The following SSR3 variants were observed in gnomAD, a reference collection of about 807,000 sequenced individuals.
The protein encoded by SSR3 is translocon-associated protein subunit gamma.
In SSR3, 10 loss-of-function variants were observed where a neutral mutation model predicts 22.1. The ratio of observed to expected loss-of-function variants is 0.45; its 90% confidence interval spans 0.28 to 0.77. The LOEUF is 0.77. Ranked by LOEUF, SSR3 falls within the 30% of genes least tolerant of loss-of-function variation. The pLI, the probability that SSR3 is intolerant of heterozygous loss-of-function variation, is 0.13. For missense variants in SSR3, 181 were observed against 220.5 expected (o/e 0.82, Z 1.13); for synonymous variants, 104 against 82.5 (o/e 1.26, Z -1.42).
Position 156,553,693 on chromosome 3 carries a change from G to A in SSR3, c.222C>T (p.Ala74=), listed in dbSNP as rs1720043917. 6.2e-7 allele frequency: 1 copy of A among 1,612,248 alleles called. No homozygotes were observed. The highest frequency in any genetic ancestry group is 2.2e-5 in the East Asian group (1 of 44,834). Residue 74 remains alanine (A), a synonymous_variant, in exon 2 of 5, where the codon GCC becomes GCT. Coordinates refer to ENST00000265044, the MANE Select transcript of SSR3 (RefSeq NM_007107.5). The part of the protein sequence containing the change: ...VMTLVSTYLV[A]FAYKNVKFVL... Reference sequence around the variant, plus strand: ...CAAATTTCACATTCTTGTATGCAAAGGCTACCAAATATGTGCTTACTAGGG... The same window carrying A: ...CAAATTTCACATTCTTGTATGCAAAAGCTACCAAATATGTGCTTACTAGGG...
intron 3 of SSR3, among the ~76,000 whole-genome samples, chr3:156,545,961 G>A (rs191187073): frequency 6.6e-6 from 1 of 152,292 alleles, no homozygotes; most frequent in African/African-American, 2.4e-5. Flanking sequence ...AGTGAAGTCA[G>A]GTTGCTTACG....
intron 2 of SSR3, among the ~76,000 whole-genome samples, chr3:156,552,412 C>G (rs1009169354): frequency 2.0e-5 from 3 of 151,916 alleles, no homozygotes; most frequent in Admixed American, 2.0e-4. Context: ...AGGAAAATAC[C>G]TGCACCTCAT....
chr3:156,549,987 CTA>C (rs112043815), intron 2 of SSR3, among the ~76,000 whole-genome samples: 21,073 of 152,136 alleles, frequency 0.14, 1,495 homozygotes, highest in East Asian at 0.21. Flanking sequence ...TATATAAAAA[CTA>C]TCTTTTTTCA....
intron 2 of SSR3, chr3:156,551,264 G>A (rs62285086): frequency 6.6e-6 from 1 of 151,930 alleles, no homozygotes. Flanking sequence ...GAAGCCTAAA[G>A]TAGAAAGGAA....
Position 156,540,175 on chromosome 3 carries a change from A to C in SSR3, c.*3028T>G, listed in dbSNP as rs1018427169. The C allele has an allele frequency of 2.0e-5, 3 of 152,090 alleles. No individual in the cohort carries two copies. Among genetic ancestry groups the C allele is most frequent in the African/African-American group, 7.2e-5 (3 of 41,408 alleles). The allele number at this position is 152,090 out of a possible 1,614,324, so 9.4% of individuals were successfully genotyped here. On this transcript the variant is annotated 3_prime_UTR_variant, in exon 5 of 5. Coordinates refer to ENST00000265044, the MANE Select transcript of SSR3 (RefSeq NM_007107.5). ...GAAGCAAAGTTTAATCATACTTATTAAGCAAGACTTTTCACAAGAATTGAG... is the reference window on the plus strand; with the variant it reads ...GAAGCAAAGTTTAATCATACTTATTCAGCAAGACTTTTCACAAGAATTGAG...
intron 2 of SSR3, among the ~76,000 whole-genome samples, chr3:156,549,524 A>G (rs1719876459): frequency 6.6e-6 from 1 of 152,234 alleles, no homozygotes; most frequent in Admixed American, 6.5e-5. Flanking sequence ...TGTGATGGAC[A>G]GAAAGCCCCA....
chr3:156,546,286 C>T (rs1719758536), intron 3 of SSR3, among the ~76,000 whole-genome samples: 1 of 152,204 alleles, frequency 6.6e-6, no homozygotes, highest in South Asian at 2.1e-4. Context: ...GTGTAGAAGG[C>T]ACTTGCTTCT....
At chr3:156,552,642 CT>C (rs1720004807) in intron 2 of SSR3, among the ~76,000 whole-genome samples, 1 of 152,126 alleles carries the variant, frequency 6.6e-6, no homozygotes, top group African/African-American at 2.4e-5. Flanking sequence ...TAAGAAATTA[CT>C]TTCAAAGCAA....
intron 1 of SSR3, among the ~76,000 whole-genome samples, chr3:156,554,379 G>A (rs1283440652): frequency 6.6e-6 from 1 of 152,184 alleles, no homozygotes; most frequent in Non-Finnish European, 1.5e-5. Context: ...TCCCAACCAA[G>A]TGAGAATTCT....
In SSR3 at chr3:156,542,441, T is replaced by C. The variant is rs1719587747; in HGVS notation, c.*762A>G. The C allele has an allele frequency of 6.6e-6, 1 of 152,242 alleles. No homozygotes were observed. The highest frequency in any genetic ancestry group is 1.5e-5 in the Non-Finnish European group (1 of 68,040). 9.4% of individuals were successfully genotyped at this position (152,242 alleles called of 1,614,324 possible). ...AACATTCCTCCAGGGTGTGAGACCC[T>C]GGTCAAGGAAAACAGTGATTCCTGT... On this transcript the variant is annotated 3_prime_UTR_variant, in exon 5 of 5. Coordinates refer to ENST00000265044, the MANE Select transcript of SSR3 (RefSeq NM_007107.5).
intron 4 of SSR3, 73 bp from the exon 5 acceptor site, chr3:156,543,342 T>C: frequency 8.7e-7 from 1 of 1,155,368 alleles, no homozygotes; most frequent in Non-Finnish European, 1.3e-6. Context: ...AGAGCCCATC[T>C]CTTTGGAATG....
Position 156,540,418 on chromosome 3 carries a change from A to G in SSR3, c.*2785T>C, listed in dbSNP as rs1444323264. ...CAGGAGATCGAGACCATCCTGGCTA[A>G]CAGGGTGAAACCCCGTCTCTACTAA... On this transcript the variant is annotated 3_prime_UTR_variant, in exon 5 of 5. Transcript: ENST00000265044. 2.0e-5 allele frequency: 3 copies of G among 152,084 alleles called. No individual in the cohort carries two copies. The highest frequency in any genetic ancestry group is 7.2e-5 in the African/African-American group (3 of 41,410). 9.4% of individuals were successfully genotyped at this position (152,084 alleles called of 1,614,324 possible). A position where few individuals can be genotyped will look rare whatever the true frequency, so the allele number is the denominator to read the frequency against.
rs754742456 is a variant in SSR3 at position 156,539,670 on chromosome 3, T to C, written c.*3533A>G. Among the ~76,000 whole-genome samples the C allele has an allele frequency of 9.2e-5, 14 of 152,266 alleles. No individual in the cohort carries two copies. Among genetic ancestry groups the C allele is most frequent in the East Asian group, 3.9e-4 (2 of 5,188 alleles). ...CCTCCTAATCTATTAATTCCTCTGC[T>C]TGGGAGTCCCAAGGAAGTGAAAGAG... is the stretch of plus-strand genomic sequence containing the variant. On this transcript the variant is annotated 3_prime_UTR_variant, in exon 5 of 5. Coordinates refer to ENST00000265044, the MANE Select transcript of SSR3 (RefSeq NM_007107.5).
chr3:156,543,411 A>C, intron 4 of SSR3, 142 bp from the exon 5 acceptor site: 1 of 562,518 alleles, frequency 1.8e-6, no homozygotes, highest in South Asian at 3.4e-5. Context: ...CATTGTCTGC[A>C]AACACAATTT....
In SSR3 at chr3:156,543,327, A is replaced by C. The variant is rs541753913; in HGVS notation, c.492-58T>G. On this transcript the variant is annotated intron_variant, in intron 4 of 4. Coordinates refer to ENST00000265044, the MANE Select transcript of SSR3 (RefSeq NM_007107.5). ...TAACTCCAAATTGGTTTTTTGAGAA[A>C]ATAAAGAGCCCATCTCTTTGGAATG... 4 of 1,345,554 alleles carry C rather than the reference A, an allele frequency of 3.0e-6. No individual in the cohort carries two copies. In the Admixed American group the frequency reaches 7.0e-5, roughly 23 times the overall value. 83.4% of individuals were successfully genotyped at this position (1,345,554 alleles called of 1,614,324 possible).
chr3:156,543,389 G>A (rs1288085158), intron 4 of SSR3, 120 bp from the exon 5 acceptor site: 1 of 684,958 alleles, frequency 1.5e-6, no homozygotes, highest in Non-Finnish European at 2.5e-6. Context: ...TAATCATAAT[G>A]ATGTGCAGCC....
chr3:156,550,735 TG>T (rs1342840218), intron 2 of SSR3, among the ~76,000 whole-genome samples: 1 of 152,226 alleles, frequency 6.6e-6, no homozygotes, highest in East Asian at 1.9e-4. Context: ...TTTGCAAACA[TG>T]GTTTAAATTA....
Position 156,541,138 on chromosome 3 carries a change from A to T in SSR3, c.*2065T>A, listed in dbSNP as rs1046602116. ...TAATTCAAGAGAAACTATATTAGGAATATTCGGCTGATACCCCTATTTCAC... is the reference window on the plus strand; with the variant it reads ...TAATTCAAGAGAAACTATATTAGGATTATTCGGCTGATACCCCTATTTCAC... On this transcript the variant is annotated 3_prime_UTR_variant, in exon 5 of 5. Coordinates refer to ENST00000265044, the MANE Select transcript of SSR3 (RefSeq NM_007107.5). The T allele has an allele frequency of 5.9e-5, 9 of 152,230 alleles. No individual in the cohort carries two copies. Among genetic ancestry groups the T allele is most frequent in the Non-Finnish European group, 1.2e-4 (8 of 68,028 alleles). The allele number at this position is 152,230 out of a possible 1,614,324, so 9.4% of individuals were successfully genotyped here.
At chr3:156,543,909 T>A (rs1319753829) in intron 4 of SSR3, 1 of 195,734 alleles carries the variant, frequency 5.1e-6, no homozygotes, top group Non-Finnish European at 1.0e-5. Context: ...GAAACACTAT[T>A]AAGATACACT....
Sources: allele counts gnomAD v4.1 joint callset (sites outside exome capture counted in the v4.1 genomes callset), GRCh38; gene constraint gnomAD v4.1.1; transcripts MANE v1.5; gene names NCBI Gene and HGNC (gene_info 2026-07-23, HGNC 2026-07-21).